Variants in CFTR observed in about 807,000 individuals in gnomAD.
CFTR encodes CF transmembrane conductance regulator, also known as cystic fibrosis transmembrane conductance regulator.
CFTR carries 181 observed loss-of-function variants against 171.6 expected under a neutral mutation model. That is an observed-to-expected ratio of 1.05 (90% CI 0.93 to 1.19). The LOEUF (loss-of-function observed/expected upper bound fraction) is 1.19, where lower values mean the gene tolerates loss of function less well. Ranked by LOEUF, CFTR falls within the 50% of genes most tolerant of loss-of-function variation. The probability of loss-of-function intolerance (pLI) is 0.00; values close to 1 mark genes in which losing one functional copy is unlikely to be tolerated. For synonymous variants in CFTR, 583 were observed against 608.0 expected, an observed-to-expected ratio of 0.96 and a Z score of 0.60; for missense variants, 1,968 against 1,734.7, an observed-to-expected ratio of 1.13 and a Z score of -2.39.
At chr7:117,581,762 A>G (rs2116001334) in intron 11 of CFTR, among the ~76,000 whole-genome samples, 1 of 152,058 alleles carries the variant, frequency 6.6e-6, no homozygotes, top group Non-Finnish European at 1.5e-5. Context: ...TGCTTTATTT[A>G]TTTTTTGAGA....
At chr7:117,583,376 T>C (rs1349168568) in intron 11 of CFTR, among the ~76,000 whole-genome samples, 1 of 152,000 alleles carries the variant, frequency 6.6e-6, no homozygotes, top group African/African-American at 2.4e-5. Context: ...TATTATGCCT[T>C]TGCAGCCTCA....
At chr7:117,542,148 C>G (rs999532840) in intron 9 of CFTR, 40 bp downstream of exon 9, 1 of 924,856 alleles carries the variant, frequency 1.1e-6, no homozygotes, top group East Asian at 2.4e-5. Context: ...AAACACCTAA[C>G]TGTTTTCTTC....
intron 11 of CFTR, among the ~76,000 whole-genome samples, chr7:117,570,147 A>G (rs1791666406): frequency 6.6e-6 from 1 of 151,548 alleles, no homozygotes; most frequent in Non-Finnish European, 1.5e-5. Flanking sequence ...CATTATTACT[A>G]TAGAGCCATC....
chr7:117,572,365 T>C (rs2115976111), intron 11 of CFTR, among the ~76,000 whole-genome samples: 1 of 152,322 alleles, frequency 6.6e-6, no homozygotes, highest in Non-Finnish European at 1.5e-5. Flanking sequence ...GTGATTAATC[T>C]TTAGCCAATA....
intron 11 of CFTR, among the ~76,000 whole-genome samples, chr7:117,586,850 G>A (rs17547853): frequency 0.11 from 16,621 of 151,858 alleles, 1,185 homozygotes; most frequent in Non-Finnish European, 0.15. Flanking sequence ...AAATCCCATC[G>A]GTTTGAAAGC....
intron 3 of CFTR, among the ~76,000 whole-genome samples, chr7:117,524,640 C>T (rs989226733): frequency 3.3e-5 from 5 of 151,924 alleles, no homozygotes; most frequent in Non-Finnish European, 7.4e-5. Context: ...AAAAAAAAAT[C>T]CTCGAATCTA....
At chr7:117,577,244 G>A (rs1791785930) in intron 11 of CFTR, among the ~76,000 whole-genome samples, 1 of 152,120 alleles carries the variant, frequency 6.6e-6, no homozygotes, top group Non-Finnish European at 1.5e-5. Context: ...ATATAGAGGA[G>A]TGCTGGGAGG....
chr7:117,612,006 G>GATATATATATATATGTATATATATATAT (rs2093074247), intron 20 of CFTR, among the ~76,000 whole-genome samples, 198 bp downstream of exon 20: 48 of 76,764 alleles, frequency 6.3e-4, no homozygotes, highest in Non-Finnish European at 1.1e-3. Flanking sequence ...CTTGAAATCG[G>GATATATATATATATGTATATATATATAT]ATATATATAT....
chr7:117,632,134 T>G (rs1363086699), intron 22 of CFTR, among the ~76,000 whole-genome samples: 1 of 152,130 alleles, frequency 6.6e-6, no homozygotes, highest in Non-Finnish European at 1.5e-5. Flanking sequence ...ACGTAAGAAC[T>G]TATGAGAAAT....
chr7:117,642,936 C>A (rs954553466), intron 23 of CFTR, among the ~76,000 whole-genome samples: 1 of 152,100 alleles, frequency 6.6e-6, no homozygotes, highest in Admixed American at 6.6e-5. Context: ...AAATGCTTTG[C>A]GAGACATAAC....
At position 117,592,049 on chromosome 7, in the gene CFTR, G is replaced by A. The variant is rs397508316; in HGVS notation, c.1882G>A (p.Gly628Arg). The change falls in exon 14 of 27, where the codon GGG becomes AGG. Residue 628 changes from glycine (G) to arginine (R), a missense_variant. Physicochemically the swap from Gly to Arg is moderately radical, Grantham distance 125. Coordinates refer to ENST00000003084, the MANE Select transcript of CFTR (RefSeq NM_000492.4). ...ILHEGSSYFY[G>R]TFSELQNLQP... is the part of the protein sequence containing the mutation. ...GCATGAAGGTAGCAGCTATTTTTATGGGACATTTTCAGAACTCCAAAATCT... is the reference window on the plus strand; with the variant it reads ...GCATGAAGGTAGCAGCTATTTTTATAGGACATTTTCAGAACTCCAAAATCT... 2 of 1,605,262 alleles carry A rather than the reference G, an allele frequency of 1.2e-6. No individual in the cohort carries two copies. The highest frequency in any genetic ancestry group is 2.3e-5 in the South Asian group (2 of 88,888).
intron 1 of CFTR, among the ~76,000 whole-genome samples, chr7:117,481,506 G>A (rs1330110638): frequency 6.6e-6 from 1 of 152,196 alleles, no homozygotes; most frequent in African/African-American, 2.4e-5. Flanking sequence ...ATCTGTCAAA[G>A]TGGGTTTTTA....
chr7:117,652,614 A>G (rs962634530), intron 23 of CFTR, among the ~76,000 whole-genome samples: 3 of 152,118 alleles, frequency 2.0e-5, no homozygotes, highest in Non-Finnish European at 4.4e-5. Flanking sequence ...GATTAGAAAA[A>G]TGTTCACAAG....
intron 7 of CFTR, among the ~76,000 whole-genome samples, chr7:117,539,405 T>G (rs1302675642): frequency 1.3e-5 from 2 of 151,902 alleles, no homozygotes; most frequent in African/African-American, 4.8e-5. Flanking sequence ...CAACTTGAAT[T>G]AAAAGAACCA....
At chr7:117,497,023 G>A (rs190825600) in intron 1 of CFTR, among the ~76,000 whole-genome samples, 22 of 150,094 alleles carry the variant, frequency 1.5e-4, no homozygotes, top group African/African-American at 4.7e-4. Flanking sequence ...TTTATTTTTT[G>A]TTATTGCTGT....
At chr7:117,541,227 C>G (rs1238682733) in intron 8 of CFTR, among the ~76,000 whole-genome samples, 2 of 151,306 alleles carry the variant, frequency 1.3e-5, no homozygotes, top group Non-Finnish European at 2.9e-5. Context: ...TTCTGTTAGC[C>G]CATTGAGAGA....
At chr7:117,551,771 CTGGCTTA>C (rs1248290239) in intron 10 of CFTR, among the ~76,000 whole-genome samples, 1 of 152,170 alleles carries the variant, frequency 6.6e-6, no homozygotes, top group Non-Finnish European at 1.5e-5. Flanking sequence ...TGACTGAAAG[CTGGCTTA>C]TGGCATCTCA....
intron 23 of CFTR, 139 bp from the exon 24 acceptor site, chr7:117,652,703 A>G: frequency 1.8e-6 from 1 of 548,496 alleles, no homozygotes; most frequent in Non-Finnish European, 3.3e-6. Flanking sequence ...AAAATTTGAG[A>G]GAACTTGATG....
intron 22 of CFTR, among the ~76,000 whole-genome samples, chr7:117,633,889 G>T (rs1407459352): frequency 1.3e-5 from 2 of 151,966 alleles, no homozygotes; most frequent in African/African-American, 4.8e-5. Flanking sequence ...TACATGTTGA[G>T]TTCGATTTGC....
Sources: gnomAD v4.1 joint callset for allele counts (sites outside exome capture counted in the v4.1 genomes callset) on GRCh38, gnomAD v4.1.1 for gene constraint, MANE v1.5 for transcripts, NCBI Gene and HGNC (gene_info 2026-07-23, HGNC 2026-07-21) for gene names.